The following TLL1 variants were observed in gnomAD, a reference collection of about 807,000 sequenced individuals.
The protein encoded by TLL1 is tolloid like 1.
Under a neutral mutation model 128.2 loss-of-function variants are expected in TLL1, and 49 were observed. The observed-to-expected ratio is 0.38, with a 90% CI of 0.30 to 0.48. The LOEUF is 0.48. Ranked by LOEUF, TLL1 falls within the 20% of genes least tolerant of loss-of-function variation. The probability of loss-of-function intolerance (pLI) is 0.96; values close to 1 mark genes in which losing one functional copy is unlikely to be tolerated. For synonymous variants in TLL1, 454 were observed against 418.8 expected (o/e 1.08, Z -1.03); for missense variants, 1,123 against 1,242.0 (o/e 0.90, Z 1.44).
intron 8 of TLL1, among the ~76,000 whole-genome samples, chr4:166,020,477 TGTAAC>T (rs1489396827): frequency 6.6e-6 from 1 of 152,190 alleles, no homozygotes; most frequent in East Asian, 1.9e-4. Flanking sequence ...GTATACGAGT[TGTAAC>T]GTATTTTCTC....
At chr4:166,019,512 A>C (rs796224370) in intron 8 of TLL1, among the ~76,000 whole-genome samples, 11 of 152,230 alleles carry the variant, frequency 7.2e-5, no homozygotes, top group African/African-American at 2.6e-4. Context: ...TTTTTTTCTC[A>C]TCAGTTTTTG....
intron 12 of TLL1, among the ~76,000 whole-genome samples, chr4:166,044,886 C>T (rs1739393474): frequency 6.6e-6 from 1 of 152,146 alleles, no homozygotes; most frequent in African/African-American, 2.4e-5. Flanking sequence ...TGCATTCATT[C>T]CATCAGCCTG....
intron 5 of TLL1, among the ~76,000 whole-genome samples, chr4:165,996,066 T>C (rs1736862429): frequency 1.3e-5 from 2 of 152,212 alleles, no homozygotes; most frequent in Non-Finnish European, 2.9e-5. Context: ...ATAGTTTTGA[T>C]GCTTGGAATG....
At chr4:166,005,726 G>T (rs575716540) in intron 6 of TLL1, among the ~76,000 whole-genome samples, 1 of 148,984 alleles carries the variant, frequency 6.7e-6, no homozygotes, top group Non-Finnish European at 1.5e-5. Context: ...AGAATTATTC[G>T]TGTTTTTTAT....
intron 1 of TLL1, among the ~76,000 whole-genome samples, chr4:165,939,824 A>G (rs1018711977): frequency 3.9e-5 from 6 of 152,022 alleles, no homozygotes; most frequent in Non-Finnish European, 8.8e-5. Flanking sequence ...CTTCACATCA[A>G]TCTTGAAATG....
intron 1 of TLL1, among the ~76,000 whole-genome samples, chr4:165,960,833 A>C (rs537158878): frequency 6.6e-6 from 1 of 152,254 alleles, no homozygotes; most frequent in South Asian, 2.1e-4. Context: ...GTCAACTCTG[A>C]CAAACCCAGA....
intron 1 of TLL1, among the ~76,000 whole-genome samples, chr4:165,961,893 G>A (rs1735123578): frequency 6.6e-6 from 1 of 151,988 alleles, no homozygotes; most frequent in Non-Finnish European, 1.5e-5. Context: ...TGCAGAAAAA[G>A]CTTTTGATAT....
intron 19 of TLL1, among the ~76,000 whole-genome samples, chr4:166,092,853 C>A (rs1741837765): frequency 6.6e-6 from 1 of 152,096 alleles, no homozygotes; most frequent in African/African-American, 2.4e-5. Flanking sequence ...TACAAGTGAA[C>A]CCTTAACTAG....
At chr4:166,094,540 A>G (rs748143159) in intron 19 of TLL1, among the ~76,000 whole-genome samples, 6 of 152,266 alleles carry the variant, frequency 3.9e-5, no homozygotes, top group Non-Finnish European at 7.4e-5. Context: ...AAAACGGGCC[A>G]TGGATATTCT....
Position 166,025,394 on chromosome 4 carries a change from A to G in TLL1, c.1121A>G (p.His374Arg). The G allele has an allele frequency of 3.1e-6, 5 of 1,613,858 alleles. No individual in the cohort carries two copies. Among genetic ancestry groups the G allele is most frequent in the Non-Finnish European group, 4.2e-6 (5 of 1,179,846 alleles). ...CCCAATGGCTACCCTTCTTACACAC[A>G]CTGCATCTGGAGAGTTTCTGTGACC... ...GFPNGYPSYTHCIWRVSVTPG... is the reference protein window; with the variant it reads ...GFPNGYPSYTRCIWRVSVTPG... The change falls in exon 9 of 21, where the codon CAC (histidine) becomes CGC (arginine). Residue 374 changes from histidine to arginine, a missense_variant. By Grantham distance (29) the His-to-Arg change is conservative (BLOSUM62 0). This residue lies in a region of TLL1 where 480 missense variants were observed against 542.4 expected (regional missense o/e 0.89). Coordinates refer to ENST00000061240, the MANE Select transcript of TLL1 (RefSeq NM_012464.5).
chr4:166,017,547 T>G (rs1453530969), intron 8 of TLL1, among the ~76,000 whole-genome samples: 2 of 152,182 alleles, frequency 1.3e-5, no homozygotes, highest in African/African-American at 2.4e-5. Flanking sequence ...TACTTTTTAT[T>G]CCTAACAACA....
intron 8 of TLL1, among the ~76,000 whole-genome samples, chr4:166,016,227 A>G (rs1442452297): frequency 1.3e-5 from 2 of 152,118 alleles, no homozygotes; most frequent in African/African-American, 2.4e-5. Flanking sequence ...TGAATTTATA[A>G]GAGAATGATA....
intron 15 of TLL1, among the ~76,000 whole-genome samples, chr4:166,063,340 C>A (rs1282985369): frequency 2.0e-5 from 3 of 151,986 alleles, no homozygotes; most frequent in Admixed American, 2.0e-4. Context: ...GTCAGGAAAC[C>A]ACAGGTGCTG....
At chr4:166,063,245 C>T (rs1160660562) in intron 15 of TLL1, among the ~76,000 whole-genome samples, 5 of 152,176 alleles carry the variant, frequency 3.3e-5, no homozygotes, top group Admixed American at 2.0e-4. Flanking sequence ...AAAAAATGCT[C>T]ATCATCACTG....
chr4:166,060,254 A>AT, intron 15 of TLL1, 66 bp downstream of exon 15: 2 of 1,436,514 alleles, frequency 1.4e-6, no homozygotes, highest in Non-Finnish European at 1.9e-6. Flanking sequence ...AAACTGTGAA[A>AT]TTAAAAAAAA....
chr4:165,961,129 A>T lies in TLL1; in HGVS notation c.170-28252A>T, dbSNP rs547578287. ...TAAACAACTTCAGTAAAGTTCCAGG[A>T]TACAAAATCACCATAAAAAAATCAG... On this transcript the variant is annotated intron_variant, in intron 1 of 20. Transcript: ENST00000061240. Among the ~76,000 whole-genome samples the T allele has an allele frequency of 3.9e-5, 6 of 152,284 alleles. 1 individual carries two copies. The South Asian group carries it at 1.2e-3, about 32-fold the overall frequency.
intron 19 of TLL1, among the ~76,000 whole-genome samples, chr4:166,093,283 A>G (rs977230650): frequency 6.6e-6 from 1 of 152,144 alleles, no homozygotes; most frequent in Admixed American, 6.5e-5. Context: ...GGAATGCGCT[A>G]GGAGAGCAGG....
rs539634196 is a variant in TLL1 at position 166,083,121 on chromosome 4, C to T, written c.2442+5091C>T. 8.0e-4 allele frequency among the ~76,000 whole-genome samples: 122 copies of T among 152,138 alleles called. No homozygotes were observed. In the South Asian group the frequency reaches 9.7e-3, roughly 12 times the overall value. On this transcript the variant is annotated intron_variant, in intron 18 of 20. Coordinates refer to ENST00000061240, the MANE Select transcript of TLL1 (RefSeq NM_012464.5). ...CTGGCTTCATTATGGGCAAGGGCAG[C>T]GATGAAAGGCAAATAAAACACTTGG...
At chr4:166,020,894 A>T (rs527748797) in intron 8 of TLL1, among the ~76,000 whole-genome samples, 1 of 152,234 alleles carries the variant, frequency 6.6e-6, no homozygotes, top group South Asian at 2.1e-4. Flanking sequence ...CCACAGGAAC[A>T]TATGTACAAC....
Sources: gnomAD v4.1 joint callset for allele counts (sites outside exome capture counted in the v4.1 genomes callset) on GRCh38, gnomAD v4.1.1 for gene constraint, gnomAD v4.1.1 regional missense constraint, MANE v1.5 for transcripts, NCBI Gene and HGNC (gene_info 2026-07-23, HGNC 2026-07-21) for gene names.